The following SIPA1L3 variants were observed in gnomAD, a reference collection of about 807,000 sequenced individuals.
SIPA1L3 encodes the protein signal induced proliferation associated 1 like 3, also known as signal-induced proliferation-associated 1-like protein 3.
A neutral mutation model predicts 150.1 loss-of-function variants in SIPA1L3; 59 were observed. That is an observed-to-expected ratio of 0.39 (90% CI 0.32 to 0.49). The LOEUF is 0.49. Ranked by LOEUF, SIPA1L3 falls within the 20% of genes least tolerant of loss-of-function variation. The pLI, the probability that SIPA1L3 is intolerant of heterozygous loss-of-function variation, is 0.86. For missense variants in SIPA1L3, 2,211 were observed against 2,489.5 expected, an observed-to-expected ratio of 0.89 and a Z score of 2.38; for synonymous variants, 1,070 against 1,077.6, an observed-to-expected ratio of 0.99 and a Z score of 0.14.
intron 18 of SIPA1L3, among the ~76,000 whole-genome samples, chr19:38,195,591 G>T (rs931789918): frequency 1.3e-5 from 2 of 152,214 alleles, no homozygotes; most frequent in African/African-American, 4.8e-5. Flanking sequence ...TCACGAAGTA[G>T]ATGTTCAGTC....
At chr19:38,041,159 T>A (rs1968911541) in intron 2 of SIPA1L3, among the ~76,000 whole-genome samples, 1 of 148,832 alleles carries the variant, frequency 6.7e-6, no homozygotes, top group Admixed American at 6.8e-5. Flanking sequence ...CAGGCTAGAC[T>A]GCAGTAGCTC....
chr19:38,022,320 C>T (rs187513042), intron 1 of SIPA1L3, among the ~76,000 whole-genome samples: 22 of 152,296 alleles, frequency 1.4e-4, no homozygotes, highest in Non-Finnish European at 2.6e-4. Flanking sequence ...CCCAGCTACT[C>T]GGGAGGCTGA....
At chr19:38,127,903 T>C (rs572144766) in intron 9 of SIPA1L3, among the ~76,000 whole-genome samples, 129 of 152,136 alleles carry the variant, frequency 8.5e-4, no homozygotes, top group Non-Finnish European at 1.3e-3. Flanking sequence ...GCAAAAGCAA[T>C]TTATTTCTTC....
chr19:38,127,038 C>A (rs533755721), intron 9 of SIPA1L3, among the ~76,000 whole-genome samples: 14 of 152,062 alleles, frequency 9.2e-5, no homozygotes, highest in Non-Finnish European at 2.1e-4. Context: ...ACTAAAAATA[C>A]AAAATTAGCT....
chr19:38,197,422 C>G (rs1337533750), intron 18 of SIPA1L3, among the ~76,000 whole-genome samples: 2 of 152,118 alleles, frequency 1.3e-5, no homozygotes, highest in African/African-American at 4.8e-5. Flanking sequence ...TTCTCACTTC[C>G]AACTCCTGAG....
chr19:37,982,696 A>G (rs1967232278), intron 1 of SIPA1L3, among the ~76,000 whole-genome samples: 2 of 151,554 alleles, frequency 1.3e-5, no homozygotes, highest in Non-Finnish European at 2.9e-5. Context: ...TCCATAATGG[A>G]CTCTTTTGGA....
intron 1 of SIPA1L3, among the ~76,000 whole-genome samples, chr19:37,956,487 G>GTTTT (rs61220966): frequency 7.5e-6 from 1 of 133,566 alleles, no homozygotes; most frequent in African/African-American, 2.8e-5. Context: ...TAAAAGTTTT[G>GTTTT]TTTTTTTTTT....
intron 3 of SIPA1L3, among the ~76,000 whole-genome samples, chr19:38,084,548 TAAAAAAAA>T (rs60242010): frequency 4.3e-5 from 4 of 93,520 alleles, no homozygotes; most frequent in African/African-American, 9.3e-5. Flanking sequence ...GGGCTTTTCT[TAAAAAAAA>T]AAAAAAAAAA....
At chr19:38,057,707 C>T (rs28517878) in intron 2 of SIPA1L3, among the ~76,000 whole-genome samples, 15,298 of 151,560 alleles carry the variant, frequency 0.1, 902 homozygotes, top group Non-Finnish European at 0.13. Flanking sequence ...AGTGCAGTGG[C>T]GCAATCTTGG....
intron 1 of SIPA1L3, among the ~76,000 whole-genome samples, chr19:37,972,246 T>G (rs1966960689): frequency 6.6e-6 from 1 of 151,972 alleles, no homozygotes; most frequent in Non-Finnish European, 1.5e-5. Context: ...GTTGTGTTTT[T>G]AAGTTTATAA....
intron 3 of SIPA1L3, among the ~76,000 whole-genome samples, chr19:38,084,635 CTTT>C (rs902218818): frequency 9.6e-6 from 1 of 104,490 alleles, no homozygotes; most frequent in Non-Finnish European, 1.9e-5. Flanking sequence ...TTTTCTTTTT[CTTT>C]TTTTTTTTTT....
chr19:38,027,715 C>T (rs1968546389), intron 1 of SIPA1L3, among the ~76,000 whole-genome samples: 3 of 150,428 alleles, frequency 2.0e-5, no homozygotes, highest in African/African-American at 7.4e-5. Context: ...CAGGGTCTTG[C>T]TATGTTGCCC....
intron 2 of SIPA1L3, among the ~76,000 whole-genome samples, chr19:38,036,981 C>G (rs1276856340): frequency 1.3e-5 from 2 of 152,164 alleles, no homozygotes; most frequent in East Asian, 3.9e-4. Context: ...ACGGTCCTGC[C>G]TAACTACAAG....
At chr19:37,924,739 C>A (rs1386893315) in intron 1 of SIPA1L3, among the ~76,000 whole-genome samples, 1 of 150,986 alleles carries the variant, frequency 6.6e-6, no homozygotes, top group Non-Finnish European at 1.5e-5. Context: ...CATTTATTAT[C>A]CTTATCAAGT....
At chr19:38,037,966 G>A (rs1184472923) in intron 2 of SIPA1L3, among the ~76,000 whole-genome samples, 1 of 152,174 alleles carries the variant, frequency 6.6e-6, no homozygotes, top group Non-Finnish European at 1.5e-5. Context: ...ATGGTCAGAG[G>A]ATGGCAGGTA....
intron 1 of SIPA1L3, among the ~76,000 whole-genome samples, chr19:37,935,985 C>T (rs898850733): frequency 2.0e-5 from 3 of 152,192 alleles, no homozygotes; most frequent in African/African-American, 7.2e-5. Context: ...AGGTGACGCT[C>T]ACCTTACCCT....
intron 2 of SIPA1L3, among the ~76,000 whole-genome samples, chr19:38,044,445 G>A (rs1056220038): frequency 6.6e-6 from 1 of 152,138 alleles, no homozygotes; most frequent in African/African-American, 2.4e-5. Flanking sequence ...GCTGGGGAGG[G>A]AGTGCCAGTG....
intron 15 of SIPA1L3, among the ~76,000 whole-genome samples, chr19:38,171,326 G>C (rs1164262409): frequency 1.3e-5 from 2 of 151,412 alleles, no homozygotes; most frequent in African/African-American, 2.4e-5. Context: ...CATCACTTGA[G>C]GCCAGGAGTT....
rs372789664 is a variant in SIPA1L3, at chr19:38,135,749, C to T, written c.3143+4977C>T. Among the ~76,000 whole-genome samples, 86 of 152,174 alleles carry T rather than the reference C, an allele frequency of 5.7e-4. 1 individual carries two copies. In the East Asian group the frequency reaches 0.014, roughly 24 times the overall value. On this transcript the variant is annotated intron_variant, in intron 10 of 21. Transcript: ENST00000222345. ...AGGATCTCCCGTTTGCAGGGGTGGG[C>T]GTGGGTCAGGACTTGGGTGGTTTTT...
Sources: allele counts gnomAD v4.1 joint callset (sites outside exome capture counted in the v4.1 genomes callset), GRCh38; gene constraint gnomAD v4.1.1; transcripts MANE v1.5; gene names NCBI Gene and HGNC (gene_info 2026-07-23, HGNC 2026-07-21).